The following PRH2 variants were observed in gnomAD, a reference collection of about 807,000 sequenced individuals.
The protein encoded by PRH2 is salivary acidic proline-rich phosphoprotein 1/2.
PRH2 carries 19 observed loss-of-function variants against 22.6 expected under a neutral mutation model. That is an observed-to-expected ratio of 0.84 (90% confidence interval 0.59 to 1.23). PRH2 has a LOEUF of 1.23. Ranked by LOEUF, PRH2 falls within the 50% of genes most tolerant of loss-of-function variation. The pLI is 0.00. For missense variants in PRH2, 109 were observed against 203.0 expected (o/e 0.54, Z 2.81); for synonymous variants, 45 against 72.0 (o/e 0.63, Z 1.90).
rs1333587064 is a variant in PRH2 at position 10,932,394 on chromosome 12, A to C, written c.*187A>C. The C allele has an allele frequency of 1.8e-5, 4 of 228,238 alleles. No individual in the cohort carries two copies. The highest frequency in any genetic ancestry group is 8.8e-5 in the African/African-American group (4 of 45,352). 14.1% of individuals were successfully genotyped at this position (228,238 alleles called of 1,614,324 possible). On this transcript the variant is annotated 3_prime_UTR_variant, in exon 4 of 4. Coordinates refer to ENST00000396400, the MANE Select transcript of PRH2 (RefSeq NM_001110213.1). ...AGACCCATGTTCACATTGTAAGAAC[A>C]TCCAGGACCCCTTCTCCTTGATGTT... is the stretch of plus-strand genomic sequence containing the variant.
At chr12:10,931,602 T>C (rs925589143) in intron 3 of PRH2, among the ~76,000 whole-genome samples, 5 of 152,180 alleles carry the variant, frequency 3.3e-5, no homozygotes, top group Admixed American at 3.3e-4. Flanking sequence ...CCAAGCTAAA[T>C]AGCAATTCAT....
rs1180124736 is a variant in PRH2 at position 10,933,414 on chromosome 12, A to C, written c.*1207A>C. The stretch of plus-strand genomic sequence containing the variant: ...TTATACAAAATGCTGAAAAGAAGAG[A>C]AATACCCCAAGTTCTTGAAAAAAAA... On this transcript the variant is annotated 3_prime_UTR_variant, in exon 4 of 4. Coordinates refer to ENST00000396400, the MANE Select transcript of PRH2 (RefSeq NM_001110213.1). Among the ~76,000 whole-genome samples, 1 of 151,984 alleles carries C rather than the reference A, an allele frequency of 6.6e-6. No individual in the cohort carries two copies. Among genetic ancestry groups the C allele is most frequent in the Non-Finnish European group, 1.5e-5 (1 of 67,920 alleles).
At chr12:10,931,203 G>C (rs1198180355) in intron 3 of PRH2, 123 bp downstream of exon 3, 63 of 1,521,260 alleles carry the variant, frequency 4.1e-5, no homozygotes, top group Non-Finnish European at 5.5e-5. Flanking sequence ...TTTCTCATGA[G>C]TTTTGTTCAA....
chr12:10,933,327 T>G lies in PRH2; in HGVS notation c.*1120T>G, dbSNP rs1424424281. ...TGATGAAATTTAATAGAGAATTCAC[T>G]CCTCCCAAAAGCACCTTCATGGAAG... On this transcript the variant is annotated 3_prime_UTR_variant, in exon 4 of 4. Coordinates refer to ENST00000396400, the MANE Select transcript of PRH2 (RefSeq NM_001110213.1). Among the ~76,000 whole-genome samples the G allele has an allele frequency of 6.6e-6, 1 of 151,982 alleles. No individual in the cohort carries two copies. The highest frequency in any genetic ancestry group is 2.4e-5 in the African/African-American group (1 of 41,402).
rs950441918 is a variant in PRH2 at position 10,932,590 on chromosome 12, T to A, written c.*383T>A. Among the ~76,000 whole-genome samples the A allele has an allele frequency of 6.6e-6, 1 of 152,182 alleles. No homozygotes were observed. The highest frequency in any genetic ancestry group is 6.5e-5 in the Admixed American group (1 of 15,272). ...ATGAATGTAAGCAAAACAGGACCAATGAAAGAAAGTCCCAGAAGCTGAGAG... is the reference window on the plus strand; with the variant it reads ...ATGAATGTAAGCAAAACAGGACCAAAGAAAGAAAGTCCCAGAAGCTGAGAG... On this transcript the variant is annotated 3_prime_UTR_variant, in exon 4 of 4. Transcript: ENST00000396400.
chr12:10,931,570 A>T (rs1218200694), intron 3 of PRH2, among the ~76,000 whole-genome samples: 1 of 152,172 alleles, frequency 6.6e-6, no homozygotes, highest in Non-Finnish European at 1.5e-5. Context: ...AACAAAAACT[A>T]ATCTCACTGA....
In PRH2 at chr12:10,933,005, G is replaced by T. The variant is rs1950235597; in HGVS notation, c.*798G>T. Among the ~76,000 whole-genome samples, 1 of 151,992 alleles carries T rather than the reference G, an allele frequency of 6.6e-6. No individual in the cohort carries two copies. The highest frequency in any genetic ancestry group is 1.5e-5 in the Non-Finnish European group (1 of 67,958). On this transcript the variant is annotated 3_prime_UTR_variant, in exon 4 of 4. Coordinates refer to ENST00000396400, the MANE Select transcript of PRH2 (RefSeq NM_001110213.1). ...TTAATGAAAATTTAAAAGATTAAATGAATGAGAAGAAATGATTCATAAATT... is the reference window on the plus strand; with the variant it reads ...TTAATGAAAATTTAAAAGATTAAATTAATGAGAAGAAATGATTCATAAATT...
chr12:10,931,138 A>G, intron 3 of PRH2, 58 bp downstream of exon 3: 1 of 1,588,538 alleles, frequency 6.3e-7, no homozygotes, highest in Non-Finnish European at 8.5e-7. Flanking sequence ...CTCCAACTTC[A>G]TTGTGCCAGT....
intron 2 of PRH2, 112 bp downstream of exon 2, chr12:10,930,416 C>A (rs545795022): frequency 6.7e-7 from 1 of 1,490,598 alleles, no homozygotes; most frequent in African/African-American, 1.4e-5. Context: ...ATATCAGTGC[C>A]CCAGAGATAT....
Position 10,933,589 on chromosome 12 carries a change from G to A in PRH2, c.*1382G>A, listed in dbSNP as rs887370808. 1.3e-5 allele frequency among the ~76,000 whole-genome samples: 2 copies of A among 151,874 alleles called. No homozygotes were observed. The highest frequency in any genetic ancestry group is 2.9e-5 in the Non-Finnish European group (2 of 67,894). On this transcript the variant is annotated 3_prime_UTR_variant, in exon 4 of 4. Transcript: ENST00000396400. ...TTCATTATTTGTTTTGGATAATGAA[G>A]TCAGCAGAGGAAAAAAAAATATGAC...
Position 10,932,177 on chromosome 12 carries a change from A to G in PRH2, c.*19-49A>G, listed in dbSNP as rs563333911. ...GCAGTAAACCAATGAGGTATTAGAC[A>G]TTTCCTGCCATGTCAAGTCTTGCCT... On this transcript the variant is annotated intron_variant, in intron 3 of 3. Transcript: ENST00000396400. 48 of 425,684 alleles carry G rather than the reference A, an allele frequency of 1.1e-4. 1 individual carries two copies. The highest frequency in any genetic ancestry group is 7.3e-4 in the South Asian group (45 of 61,586). The allele number at this position is 425,684 out of a possible 1,614,324, so 26.4% of individuals were successfully genotyped here. A position where few individuals can be genotyped will look rare whatever the true frequency, so the allele number is the denominator to read the frequency against.
chr12:10,932,195 T>G, intron 3 of PRH2, 31 bp from the exon 4 acceptor site: 2 of 431,746 alleles, frequency 4.6e-6, no homozygotes, highest in Non-Finnish European at 9.6e-6. Context: ...CCATGTCAAG[T>G]CTTGCCTATA....
rs2135873920 is a variant in PRH2, at chr12:10,933,416, A to G, written c.*1209A>G. 6.6e-6 allele frequency among the ~76,000 whole-genome samples: 1 copy of G among 152,080 alleles called. No homozygotes were observed. Among genetic ancestry groups the G allele is most frequent in the Non-Finnish European group, 1.5e-5 (1 of 67,898 alleles). Reference sequence around the variant, plus strand: ...ATACAAAATGCTGAAAAGAAGAGAAATACCCCAAGTTCTTGAAAAAAAATT... The same window carrying G: ...ATACAAAATGCTGAAAAGAAGAGAAGTACCCCAAGTTCTTGAAAAAAAATT... On this transcript the variant is annotated 3_prime_UTR_variant, in exon 4 of 4. Coordinates refer to ENST00000396400, the MANE Select transcript of PRH2 (RefSeq NM_001110213.1).
chr12:10,930,398 AT>A, intron 2 of PRH2, 94 bp downstream of exon 2: 4 of 1,527,354 alleles, frequency 2.6e-6, no homozygotes, highest in Non-Finnish European at 3.6e-6. Context: ...CTTGTCAGGA[AT>A]TGGCTAATAT....
intron 1 of PRH2, among the ~76,000 whole-genome samples, chr12:10,929,992 C>T (rs1281599579): frequency 1.3e-5 from 2 of 152,152 alleles, no homozygotes; most frequent in Admixed American, 6.5e-5. Flanking sequence ...TTGAAATACT[C>T]AAGAGCCCTT....
chr12:10,932,739 C>A lies in PRH2; in HGVS notation c.*532C>A, dbSNP rs1329074640. 6.6e-6 allele frequency among the ~76,000 whole-genome samples: 1 copy of A among 152,094 alleles called. No homozygotes were observed. The highest frequency in any genetic ancestry group is 1.9e-4 in the East Asian group (1 of 5,200). On this transcript the variant is annotated 3_prime_UTR_variant, in exon 4 of 4. Transcript: ENST00000396400. ...CTATTTTATCACTGATCAGTTCTGTCCCTGCCTATGATTCTTACCATTCTT... is the reference window on the plus strand; with the variant it reads ...CTATTTTATCACTGATCAGTTCTGTACCTGCCTATGATTCTTACCATTCTT...
chr12:10,929,658 A>G (rs1246269909), intron 1 of PRH2, among the ~76,000 whole-genome samples: 1 of 152,216 alleles, frequency 6.6e-6, no homozygotes, highest in African/African-American at 2.4e-5. Flanking sequence ...TGAAGATCCT[A>G]TACTGATCCC....
chr12:10,929,331 G>T lies in PRH2; in HGVS notation c.58G>T (p.Asp20Tyr), dbSNP rs1130404. 1.9e-6 allele frequency: 3 copies of T among 1,614,148 alleles called. No individual in the cohort carries two copies. Among genetic ancestry groups the T allele is most frequent in the Non-Finnish European group, 2.5e-6 (3 of 1,180,020 alleles). The change falls in exon 1 of 4, where the codon GAT becomes TAT. Residue 20 changes from aspartate to tyrosine, a missense_variant. Around this residue, in one of 4 missense-constraint regions of PRH2, gnomAD observed 54 missense variants for 60.5 expected, o/e 0.89. Coordinates refer to ENST00000396400, the MANE Select transcript of PRH2 (RefSeq NM_001110213.1). ...LLAFSSAQDL[D>Y]EDVSQEDVPL... The stretch of plus-strand genomic sequence containing the variant: ...GGCCTTCAGCTCAGCTCAGGACTTA[G>T]ATGAAGGTAAGCCGAATTGGGGGAA...
Position 10,929,320 on chromosome 12 carries a change from C to T in PRH2, c.47C>T (p.Ala16Val). ...GTGGCCCTGCTGGCCTTCAGCTCAG[C>T]TCAGGACTTAGATGAAGGTAAGCCG... ...LSVALLAFSSAQDLDEDVSQE... is the reference protein window; with the variant it reads ...LSVALLAFSSVQDLDEDVSQE... The change falls in exon 1 of 4, where the codon GCT (alanine) becomes GTT (valine). Residue 16 changes from alanine (A) to valine (V), a missense_variant. Coordinates refer to ENST00000396400, the MANE Select transcript of PRH2 (RefSeq NM_001110213.1). 1.2e-6 allele frequency: 2 copies of T among 1,614,136 alleles called. No homozygotes were observed. The highest frequency in any genetic ancestry group is 8.5e-7 in the Non-Finnish European group (1 of 1,180,030).
Sources: gnomAD v4.1 joint callset for allele counts (sites outside exome capture counted in the v4.1 genomes callset) on GRCh38, gnomAD v4.1.1 for gene constraint, gnomAD v4.1.1 regional missense constraint, MANE v1.5 for transcripts, NCBI Gene and HGNC (gene_info 2026-07-23, HGNC 2026-07-21) for gene names.